ARFGEF3: variants seen among roughly 807,000 people sequenced by gnomAD.
ARFGEF3 encodes ARFGEF family member 3.
A neutral mutation model predicts 221.7 loss-of-function variants in ARFGEF3; 96 were observed. The ratio of observed to expected loss-of-function variants is 0.43; its 90% CI spans 0.37 to 0.51. ARFGEF3 has a LOEUF of 0.51. Ranked by LOEUF, ARFGEF3 falls within the 20% of genes least tolerant of loss-of-function variation. The probability of loss-of-function intolerance (pLI) is 0.00; values close to 1 mark genes in which losing one functional copy is unlikely to be tolerated. For synonymous variants in ARFGEF3, 1,145 were observed against 1,126.8 expected, an observed-to-expected ratio of 1.02 and a Z score of -0.32; for missense variants, 2,410 against 2,789.9, an observed-to-expected ratio of 0.86 and a Z score of 3.07.
Position 138,255,439 on chromosome 6 carries a change from A to G in ARFGEF3, c.774A>G (p.Lys258=). ...TTTTCTCACCATCTCTTCCCAGGAA[A>G]AACCTCTGCCCTGCTCTCATCGTGA... The part of the protein sequence containing the change: ...LHRRFTDLIW[K]NLCPALIVIL... The change falls in exon 10 of 34, where the codon AAA becomes AAG. Residue 258 remains lysine (K), a synonymous_variant. Transcript: ENST00000251691. 2 of 1,568,116 alleles carry G rather than the reference A, an allele frequency of 1.3e-6. No homozygotes were observed. Among genetic ancestry groups the G allele is most frequent in the Non-Finnish European group, 1.7e-6 (2 of 1,149,236 alleles).
intron 22 of ARFGEF3, among the ~76,000 whole-genome samples, chr6:138,301,156 T>A (rs1346236428): frequency 6.6e-6 from 1 of 152,216 alleles, no homozygotes; most frequent in Admixed American, 6.5e-5. Flanking sequence ...TATGGTAACA[T>A]GAAGAAGTTA....
intron 2 of ARFGEF3, among the ~76,000 whole-genome samples, chr6:138,183,997 G>C (rs569884717): frequency 1.7e-4 from 26 of 152,242 alleles, no homozygotes; most frequent in Non-Finnish European, 3.2e-4. Context: ...CCACCCACAG[G>C]GCTCGCTCTC....
chr6:138,202,179 A>G (rs1415807868), intron 2 of ARFGEF3, among the ~76,000 whole-genome samples: 1 of 152,194 alleles, frequency 6.6e-6, no homozygotes, highest in Non-Finnish European at 1.5e-5. Context: ...ATAATCGCCT[A>G]ATGTAATCGA....
intron 29 of ARFGEF3, 36 bp from the exon 30 acceptor site, chr6:138,323,635 C>G: frequency 7.8e-7 from 1 of 1,273,950 alleles, no homozygotes; most frequent in Non-Finnish European, 1.1e-6. Flanking sequence ...ACAACAACAA[C>G]AAAAAAAAAA....
At chr6:138,315,542 T>C (rs1779907849) in intron 26 of ARFGEF3, among the ~76,000 whole-genome samples, 4 of 152,118 alleles carry the variant, frequency 2.6e-5, no homozygotes, top group Admixed American at 2.6e-4. Flanking sequence ...TCGATGGAGA[T>C]GATAAACAAC....
Position 138,337,339 on chromosome 6 carries a change from A to G in ARFGEF3, c.*853A>G, listed in dbSNP as rs554500378. The G allele has an allele frequency of 2.0e-5, 3 of 152,774 alleles. No individual in the cohort carries two copies. In the South Asian group the frequency reaches 6.2e-4, roughly 32 times the overall value. 9.5% of individuals were successfully genotyped at this position (152,774 alleles called of 1,614,324 possible). A position where few individuals can be genotyped will look rare whatever the true frequency, so the allele number is the denominator to read the frequency against. On this transcript the variant is annotated 3_prime_UTR_variant, in exon 34 of 34. Coordinates refer to ENST00000251691, the MANE Select transcript of ARFGEF3 (RefSeq NM_020340.5). ...ACAAGGAAAGGAAAGGAAAGAAGAA[A>G]AGGTGCCTTAGTCCTTTGTTGCACT...
At chr6:138,163,476 G>A (rs943052808) in intron 1 of ARFGEF3, among the ~76,000 whole-genome samples, 9 of 152,214 alleles carry the variant, frequency 5.9e-5, no homozygotes. Flanking sequence ...TGCCTCTAAT[G>A]AAGGGTCACA....
intron 1 of ARFGEF3, among the ~76,000 whole-genome samples, chr6:138,168,287 C>T (rs1249629272): frequency 6.6e-6 from 1 of 152,116 alleles, no homozygotes; most frequent in African/African-American, 2.4e-5. Context: ...ATAGGAGGTA[C>T]TTGGAATAAA....
chr6:138,171,765 A>ATT (rs139169064), intron 2 of ARFGEF3, among the ~76,000 whole-genome samples: 3 of 151,352 alleles, frequency 2.0e-5, no homozygotes, highest in African/African-American at 7.3e-5. Context: ...TGCCTGCTTG[A>ATT]TTTTTTTTTA....
chr6:138,298,922 G>C, intron 22 of ARFGEF3, 137 bp downstream of exon 22: 1 of 706,772 alleles, frequency 1.4e-6, no homozygotes, highest in Non-Finnish European at 2.2e-6. Context: ...AAGCAGGGCT[G>C]GGCGTGGTGG....
At chr6:138,258,666 A>G (rs1490917803) in intron 10 of ARFGEF3, among the ~76,000 whole-genome samples, 5 of 152,252 alleles carry the variant, frequency 3.3e-5, no homozygotes, top group Admixed American at 6.5e-5. Context: ...ATACTTTTGT[A>G]TATAGATTGC....
At chr6:138,220,054 A>C (rs991684728) in intron 4 of ARFGEF3, among the ~76,000 whole-genome samples, 1 of 151,786 alleles carries the variant, frequency 6.6e-6, no homozygotes, top group African/African-American at 2.4e-5. Context: ...ACTGTCACCC[A>C]GGCTAGAGCT....
chr6:138,272,414 C>T (rs1779020403), intron 12 of ARFGEF3, among the ~76,000 whole-genome samples: 1 of 152,196 alleles, frequency 6.6e-6, no homozygotes, highest in Admixed American at 6.5e-5. Context: ...ACCTTGGCCT[C>T]CCAAAGTGCT....
At chr6:138,271,624 G>A (rs1465244031) in intron 12 of ARFGEF3, among the ~76,000 whole-genome samples, 3 of 152,206 alleles carry the variant, frequency 2.0e-5, no homozygotes. Context: ...ACATAGCTAG[G>A]AAGCGGTGAT....
At chr6:138,292,263 C>G (rs569072104) in intron 19 of ARFGEF3, among the ~76,000 whole-genome samples, 1 of 152,316 alleles carries the variant, frequency 6.6e-6, no homozygotes, top group East Asian at 1.9e-4. Context: ...GGTAGGCCAC[C>G]TGGGGTCAAA....
At chr6:138,243,707 G>T (rs1464654433) in intron 7 of ARFGEF3, among the ~76,000 whole-genome samples, 4 of 142,874 alleles carry the variant, frequency 2.8e-5, no homozygotes, top group African/African-American at 1.2e-4. Flanking sequence ...GGAGATGGAG[G>T]TGAGGAGGAG....
chr6:138,171,020 C>T (rs1262633637), intron 2 of ARFGEF3, among the ~76,000 whole-genome samples: 1 of 152,024 alleles, frequency 6.6e-6, no homozygotes, highest in Non-Finnish European at 1.5e-5. Context: ...AACAAAGCCC[C>T]ACTCCTGTGA....
intron 14 of ARFGEF3, among the ~76,000 whole-genome samples, chr6:138,285,681 C>T: frequency 6.6e-6 from 1 of 151,900 alleles, no homozygotes; most frequent in Admixed American, 6.6e-5. Flanking sequence ...GATTTTCTAA[C>T]AGAGAAATAA....
chr6:138,185,781 C>T (rs114199993), intron 2 of ARFGEF3, among the ~76,000 whole-genome samples: 205 of 152,264 alleles, frequency 1.3e-3, no homozygotes, highest in African/African-American at 4.5e-3. Flanking sequence ...ATCTCCCATC[C>T]AGACCTTGAA....
Sources: gnomAD v4.1 joint callset for allele counts (sites outside exome capture counted in the v4.1 genomes callset) on GRCh38, gnomAD v4.1.1 for gene constraint, MANE v1.5 for transcripts, NCBI Gene and HGNC (gene_info 2026-07-23, HGNC 2026-07-21) for gene names.